The following SH2D3C variants were observed in gnomAD, a reference collection of about 807,000 sequenced individuals.
The protein encoded by SH2D3C is SH2 domain-containing protein 3C.
In SH2D3C, 25 loss-of-function variants were observed where a neutral mutation model predicts 75.2. The observed-to-expected ratio is 0.33, with a 90% CI of 0.24 to 0.46. The LOEUF (loss-of-function observed/expected upper bound fraction) is 0.46. Among genes scored for constraint, SH2D3C ranks in the 20% least tolerant of loss-of-function variants. SH2D3C has a pLI of 1.00. For missense variants in SH2D3C, 933 were observed against 1,165.3 expected, an observed-to-expected ratio of 0.80 and a Z score of 2.90; for synonymous variants, 450 against 473.7, an observed-to-expected ratio of 0.95 and a Z score of 0.65.
At position 127,754,118 on chromosome 9, in the gene SH2D3C, G is replaced by T. The variant is rs1022672978; in HGVS notation, c.556-2818C>A. Among the ~76,000 whole-genome samples the T allele has an allele frequency of 6.6e-6, 1 of 152,202 alleles. No homozygotes were observed. The highest frequency in any genetic ancestry group is 1.5e-5 in the Non-Finnish European group (1 of 68,012). ...AGCCCCCAGTTCCCTAGAGTTGGGGGTGCTGGGGTGCGAATGCAGCATCCC... is the reference window on the plus strand; with the variant it reads ...AGCCCCCAGTTCCCTAGAGTTGGGGTTGCTGGGGTGCGAATGCAGCATCCC... On this transcript the variant is annotated intron_variant, in intron 3 of 11. Transcript: ENST00000314830. The surrounding 1 kb of genome is among the most constrained non-coding windows in gnomAD (Gnocchi z 4.4).
At position 127,739,631 on chromosome 9, in the gene SH2D3C, T is replaced by G. The variant is rs746435611; in HGVS notation, c.2407+51A>C. On this transcript the variant is annotated intron_variant, in intron 11 of 11. Transcript: ENST00000314830. This position sits in a 1 kb window ranked among gnomAD's most constrained non-coding sequence, Gnocchi z 4.3. The stretch of plus-strand genomic sequence containing the variant: ...GAGAAAAGGGAAGCAGTGAGGCAGG[T>G]GGAGGGAGGCCCAGGCCTGCAAGCC... The G allele has an allele frequency of 1.3e-6, 2 of 1,516,694 alleles. No homozygotes were observed. Among genetic ancestry groups the G allele is most frequent in the Non-Finnish European group, 9.0e-7 (1 of 1,112,130 alleles). The allele number at this position is 1,516,694 out of a possible 1,614,324, so 94.0% of individuals were successfully genotyped here.
At chr9:127,772,239 CTT>C (rs68153880) in intron 2 of SH2D3C, among the ~76,000 whole-genome samples, 3,744 of 120,400 alleles carry the variant, frequency 0.031, 146 homozygotes, top group African/African-American at 0.12. Flanking sequence ...GCTCAGGTGG[CTT>C]TTTTTTTTTT....
chr9:127,767,179 A>C, intron 2 of SH2D3C: 1 of 1,534,218 alleles, frequency 6.5e-7, no homozygotes, highest in Non-Finnish European at 8.7e-7. Context: ...GACGGGCGAC[A>C]GCCTTGTGAG....
rs994736704 is a variant in SH2D3C at position 127,774,856 on chromosome 9, G to C, written c.38-389C>G. ...TGTAATCCCAGCACTTTGGGAGGCCGAGGCGGGTGGATCACCTGAGGTCAG... is the reference window on the plus strand; with the variant it reads ...TGTAATCCCAGCACTTTGGGAGGCCCAGGCGGGTGGATCACCTGAGGTCAG... On this transcript the variant is annotated intron_variant, in intron 1 of 11. Transcript: ENST00000314830. This position sits in a 1 kb window ranked among gnomAD's most constrained non-coding sequence, Gnocchi z 4.3. 6.6e-6 allele frequency among the ~76,000 whole-genome samples: 1 copy of C among 152,194 alleles called. No individual in the cohort carries two copies. The highest frequency in any genetic ancestry group is 2.4e-5 in the African/African-American group (1 of 41,436).
chr9:127,758,654 A>G (rs543375180), intron 3 of SH2D3C, among the ~76,000 whole-genome samples: 2 of 151,884 alleles, frequency 1.3e-5, no homozygotes, highest in Admixed American at 1.3e-4. Flanking sequence ...CTTTGTCCAC[A>G]CTCCTGCCTC....
rs569668913 is a variant in SH2D3C, at chr9:127,751,877, C to T, written c.556-577G>A. Among the ~76,000 whole-genome samples, 11 of 152,290 alleles carry T rather than the reference C, an allele frequency of 7.2e-5. No homozygotes were observed. The highest frequency in any genetic ancestry group is 4.1e-4 in the South Asian group (2 of 4,832). On this transcript the variant is annotated intron_variant, in intron 3 of 11. Transcript: ENST00000314830. This position sits in a 1 kb window ranked among gnomAD's most constrained non-coding sequence, Gnocchi z 4.1. ...CCACAGAACTGGTTGGACAAGGATA[C>T]GTTCTGGGATGGTGCATTCTACAAT...
chr9:127,752,447 C>A (rs1438643677), intron 3 of SH2D3C, among the ~76,000 whole-genome samples: 2 of 152,080 alleles, frequency 1.3e-5, no homozygotes, highest in Admixed American at 1.3e-4. Flanking sequence ...ACAGACAGAC[C>A]CCAGCGCTGG....
At chr9:127,742,623 G>C (rs1022199044) in intron 8 of SH2D3C, 1 of 499,332 alleles carries the variant, frequency 2.0e-6, no homozygotes, top group African/African-American at 2.0e-5. Flanking sequence ...ACTGGTCAAG[G>C]GGATGCGAAA....
At chr9:127,762,217 C>T in intron 2 of SH2D3C, 2 of 1,199,370 alleles carry the variant, frequency 1.7e-6, no homozygotes, top group Non-Finnish European at 2.1e-6. Flanking sequence ...AGAATTGATT[C>T]TGCCCCCAGG....
chr9:127,773,917 C>CA (rs370913098), intron 2 of SH2D3C, 73 bp downstream of exon 2: 40,294 of 731,524 alleles, frequency 0.055, 160 homozygotes, highest in African/African-American at 0.12. Context: ...CACTCTGTGT[C>CA]AAAAAAAAAA....
chr9:127,771,413 C>T lies in SH2D3C; in HGVS notation c.515+2577G>A, dbSNP rs937824662. On this transcript the variant is annotated intron_variant, in intron 2 of 11. Coordinates refer to ENST00000314830, the MANE Select transcript of SH2D3C (RefSeq NM_170600.3). ...GGCCCCACTCCACCGCCTACTCCAC[C>T]GGCAGGGAAGGACGCTCTCCGCCTC... The T allele has an allele frequency of 8.5e-6, 11 of 1,294,116 alleles. No homozygotes were observed. In the African/African-American group the frequency reaches 1.4e-4, roughly 16 times the overall value. The allele number at this position is 1,294,116 out of a possible 1,614,324, so 80.2% of individuals were successfully genotyped here.
chr9:127,759,459 G>A (rs1211884247), intron 3 of SH2D3C, among the ~76,000 whole-genome samples: 1 of 152,106 alleles, frequency 6.6e-6, no homozygotes, highest in Non-Finnish European at 1.5e-5. Context: ...CAGGTGATCT[G>A]CCCGCCTTGG....
At chr9:127,769,542 G>T (rs1845694958) in intron 2 of SH2D3C, among the ~76,000 whole-genome samples, 1 of 151,634 alleles carries the variant, frequency 6.6e-6, no homozygotes, top group Admixed American at 6.6e-5. Context: ...TGTAATCCCA[G>T]CTACTCGGGA....
At chr9:127,762,399 A>C in intron 2 of SH2D3C, 1 of 1,083,830 alleles carries the variant, frequency 9.2e-7, no homozygotes, top group South Asian at 1.3e-5. Flanking sequence ...TACCTCCTGG[A>C]CGCCTCCCCT....
intron 10 of SH2D3C, 64 bp downstream of exon 10, chr9:127,740,194 C>T (rs1249741230): frequency 1.2e-5 from 16 of 1,349,930 alleles, no homozygotes; most frequent in Non-Finnish European, 1.7e-5. Context: ...ACTGTCCATG[C>T]TGGGAGTCTT....
intron 3 of SH2D3C, chr9:127,755,290 C>G (rs1845345647): frequency 1.1e-5 from 3 of 274,812 alleles, no homozygotes; most frequent in Non-Finnish European, 1.1e-5. Flanking sequence ...ATCGCCTTGT[C>G]GGGGGAGGAG....
intron 3 of SH2D3C, among the ~76,000 whole-genome samples, chr9:127,755,892 G>A (rs1845367279): frequency 6.6e-6 from 1 of 152,244 alleles, no homozygotes; most frequent in Non-Finnish European, 1.5e-5. Flanking sequence ...TAAAGCCTGT[G>A]CTGACCTCAC....
In SH2D3C at chr9:127,751,302, T is replaced by C; in HGVS notation, c.556-2A>G. 1 of 1,613,610 alleles carries C rather than the reference T, an allele frequency of 6.2e-7. No individual in the cohort carries two copies. Among genetic ancestry groups the C allele is most frequent in the Non-Finnish European group, 8.5e-7 (1 of 1,179,722 alleles). ...CAGGATGTACTTCTCCTTGGAGAAC[T>C]GGGTAGAAAACAGCAAGAGTTGGCA... On this transcript the variant is annotated splice_acceptor_variant, in intron 3 of 11. Transcript: ENST00000314830. LOFTEE classifies it high-confidence loss of function. The surrounding 1 kb of genome is among the most constrained non-coding windows in gnomAD (Gnocchi z 4.1).
intron 5 of SH2D3C, among the ~76,000 whole-genome samples, chr9:127,747,798 G>A (rs1000586807): frequency 6.6e-6 from 1 of 151,972 alleles, no homozygotes; most frequent in Admixed American, 6.6e-5. Flanking sequence ...CCTCATCCTC[G>A]CAAAGTGCTG....
Sources: allele counts gnomAD v4.1 joint callset (sites outside exome capture counted in the v4.1 genomes callset), GRCh38; gene constraint gnomAD v4.1.1; non-coding constraint Gnocchi (gnomAD v3.1); transcripts MANE v1.5; gene names NCBI Gene and HGNC (gene_info 2026-07-23, HGNC 2026-07-21).